The following PCSK2 variants were observed in gnomAD, a reference collection of about 807,000 sequenced individuals.
PCSK2 encodes proprotein convertase subtilisin/kexin type 2.
In PCSK2, 14 loss-of-function variants were observed where a neutral mutation model predicts 69.7. The ratio of observed to expected loss-of-function variants is 0.20; its 90% CI spans 0.13 to 0.31. The LOEUF is 0.31. Ranked by LOEUF, PCSK2 falls within the 10% of genes least tolerant of loss-of-function variation. PCSK2 has a pLI of 1.00. For synonymous variants in PCSK2, 307 were observed against 320.7 expected (o/e 0.96, Z 0.46); for missense variants, 544 against 842.5 (o/e 0.65, Z 4.39).
At chr20:17,247,090 G>A (rs1434670919) in intron 1 of PCSK2, among the ~76,000 whole-genome samples, 1 of 152,166 alleles carries the variant, frequency 6.6e-6, no homozygotes, top group Non-Finnish European at 1.5e-5. Flanking sequence ...CTTGGAAGGA[G>A]AAAGAAATGT....
chr20:17,287,648 AG>A (rs1988563071), intron 2 of PCSK2, among the ~76,000 whole-genome samples: 1 of 152,222 alleles, frequency 6.6e-6, no homozygotes, highest in South Asian at 2.1e-4. Flanking sequence ...CAATTCTCCA[AG>A]AACCCTGGTG....
intron 2 of PCSK2, among the ~76,000 whole-genome samples, chr20:17,293,215 T>C (rs1381614317): frequency 6.6e-6 from 1 of 152,218 alleles, no homozygotes; most frequent in East Asian, 1.9e-4. Context: ...TGAACTCTTA[T>C]TAATTAAGGC....
intron 2 of PCSK2, among the ~76,000 whole-genome samples, chr20:17,348,126 AAAAGAAAG>A (rs1482400207): frequency 6.6e-6 from 1 of 152,096 alleles, no homozygotes; most frequent in Non-Finnish European, 1.5e-5. Context: ...AGAGAGAGAG[AAAAGAAAG>A]AAAGAAAGTC....
chr20:17,234,529 C>T (rs376255019), intron 1 of PCSK2, among the ~76,000 whole-genome samples: 3 of 152,172 alleles, frequency 2.0e-5, no homozygotes, highest in African/African-American at 7.2e-5. Flanking sequence ...AACTGGCATG[C>T]TTCTTTGTTT....
chr20:17,425,577 A>G (rs2032230089), intron 6 of PCSK2, among the ~76,000 whole-genome samples: 1 of 152,218 alleles, frequency 6.6e-6, no homozygotes, highest in Non-Finnish European at 1.5e-5. Flanking sequence ...CAATAGGAAT[A>G]AGATTAAAAT....
intron 8 of PCSK2, among the ~76,000 whole-genome samples, chr20:17,443,790 T>G (rs752263089): frequency 3.3e-5 from 5 of 152,148 alleles, no homozygotes; most frequent in Non-Finnish European, 5.9e-5. Flanking sequence ...CCCTTTCAAG[T>G]GTGATTGTCC....
intron 5 of PCSK2, among the ~76,000 whole-genome samples, chr20:17,399,338 A>G (rs2031585185): frequency 6.6e-6 from 1 of 152,198 alleles, no homozygotes; most frequent in Non-Finnish European, 1.5e-5. Flanking sequence ...GTCACTATAC[A>G]CTTTTGCTAC....
intron 4 of PCSK2, among the ~76,000 whole-genome samples, chr20:17,362,239 G>A (rs1428010294): frequency 3.9e-5 from 6 of 152,160 alleles, no homozygotes; most frequent in Non-Finnish European, 8.8e-5. Flanking sequence ...CTCATTTGAT[G>A]TTCTTTCTTC....
chr20:17,326,637 T>C (rs1356096801), intron 2 of PCSK2, among the ~76,000 whole-genome samples: 2 of 152,220 alleles, frequency 1.3e-5, no homozygotes, highest in Non-Finnish European at 2.9e-5. Context: ...AAAAATAAAA[T>C]GGTTTTAACA....
At chr20:17,450,129 C>T (rs375285218) in intron 8 of PCSK2, among the ~76,000 whole-genome samples, 2 of 142,112 alleles carry the variant, frequency 1.4e-5, no homozygotes, top group Non-Finnish European at 3.0e-5. Flanking sequence ...CTGGGGTTCA[C>T]GCCATTCTCT....
chr20:17,303,253 T>A (rs1181779158), intron 2 of PCSK2, among the ~76,000 whole-genome samples: 1 of 141,426 alleles, frequency 7.1e-6, no homozygotes, highest in Non-Finnish European at 1.5e-5. Context: ...TAATTATATA[T>A]AATATATATT....
At chr20:17,472,456 G>C (rs2033218402) in intron 11 of PCSK2, among the ~76,000 whole-genome samples, 1 of 152,226 alleles carries the variant, frequency 6.6e-6, no homozygotes, top group Non-Finnish European at 1.5e-5. Context: ...ATGGCCACCT[G>C]CTGCGTGTCG....
At chr20:17,268,400 T>C (rs1987721535) in intron 2 of PCSK2, among the ~76,000 whole-genome samples, 2 of 152,048 alleles carry the variant, frequency 1.3e-5, no homozygotes, top group African/African-American at 4.8e-5. Flanking sequence ...TAGAGGGGTG[T>C]TTCTATTTTA....
At chr20:17,303,506 TATTA>T (rs1265057024) in intron 2 of PCSK2, among the ~76,000 whole-genome samples, 8 of 41,558 alleles carry the variant, frequency 1.9e-4, no homozygotes, top group African/African-American at 5.6e-4. Flanking sequence ...ATATAATATA[TATTA>T]TATATAATAT....
intron 8 of PCSK2, 39 bp downstream of exon 8, chr20:17,436,922 G>A (rs1221309416): frequency 6.5e-7 from 1 of 1,539,840 alleles, no homozygotes; most frequent in South Asian, 1.2e-5. Flanking sequence ...CCACTCACAA[G>A]TTGGGACAAA....
intron 11 of PCSK2, among the ~76,000 whole-genome samples, chr20:17,473,383 G>A (rs557434447): frequency 1.3e-5 from 2 of 152,152 alleles, no homozygotes; most frequent in South Asian, 2.1e-4. Context: ...GAGCCTCCGC[G>A]CCTGACCTAA....
intron 2 of PCSK2, among the ~76,000 whole-genome samples, chr20:17,357,427 T>G (rs2030239913): frequency 1.3e-5 from 2 of 152,208 alleles, no homozygotes; most frequent in African/African-American, 2.4e-5. Context: ...TTCAGCAGAT[T>G]CTCAAACGTG....
chr20:17,416,994 G>A (rs907048770), intron 6 of PCSK2, among the ~76,000 whole-genome samples: 3 of 150,240 alleles, frequency 2.0e-5, no homozygotes, highest in African/African-American at 7.3e-5. Context: ...GACACAGGGC[G>A]GGGAACATCA....
intron 2 of PCSK2, among the ~76,000 whole-genome samples, chr20:17,345,008 A>G (rs554292527): frequency 6.6e-6 from 1 of 152,326 alleles, no homozygotes; most frequent in Non-Finnish European, 1.5e-5. Context: ...GACTTCATGC[A>G]CAAGTGTGGG....
Sources: gnomAD v4.1 joint callset for allele counts (sites outside exome capture counted in the v4.1 genomes callset) on GRCh38, gnomAD v4.1.1 for gene constraint, MANE v1.5 for transcripts, NCBI Gene and HGNC (gene_info 2026-07-23, HGNC 2026-07-21) for gene names.